The following PRKAG2 variants were observed in gnomAD, a reference collection of about 807,000 sequenced individuals.
PRKAG2 encodes the protein protein kinase AMP-activated non-catalytic subunit gamma 2, also known as 5'-AMP-activated protein kinase subunit gamma-2.
In PRKAG2, 26 loss-of-function variants were observed where a neutral mutation model predicts 69.6. The observed-to-expected ratio is 0.37, with a 90% CI of 0.27 to 0.52. PRKAG2 has a LOEUF of 0.52. Ranked by LOEUF, PRKAG2 falls within the 20% of genes least tolerant of loss-of-function variation. The probability of loss-of-function intolerance (pLI) is 0.90; values close to 1 mark genes in which losing one functional copy is unlikely to be tolerated. For synonymous variants in PRKAG2, 293 were observed against 285.0 expected, an observed-to-expected ratio of 1.03 and a Z score of -0.28; for missense variants, 557 against 740.0, an observed-to-expected ratio of 0.75 and a Z score of 2.87.
At chr7:151,854,898 G>T (rs2079665982) in intron 1 of PRKAG2, among the ~76,000 whole-genome samples, 1 of 151,876 alleles carries the variant, frequency 6.6e-6, no homozygotes, top group Non-Finnish European at 1.5e-5. Flanking sequence ...ATACTCCAGG[G>T]CTGGAGCTGG....
At chr7:151,784,013 GAAC>G (rs1004864991) in intron 2 of PRKAG2, among the ~76,000 whole-genome samples, 2 of 151,868 alleles carry the variant, frequency 1.3e-5, no homozygotes, top group African/African-American at 4.8e-5. Flanking sequence ...AAGCCAGTAG[GAAC>G]AACACACACA....
intron 4 of PRKAG2, among the ~76,000 whole-genome samples, chr7:151,636,097 C>G (rs565169619): frequency 6.6e-6 from 1 of 151,876 alleles, no homozygotes; most frequent in Non-Finnish European, 1.5e-5. Context: ...GTGATCCACC[C>G]GCCTCAGACT....
At chr7:151,608,185 C>A (rs1817964093) in intron 5 of PRKAG2, among the ~76,000 whole-genome samples, 1 of 152,134 alleles carries the variant, frequency 6.6e-6, no homozygotes, top group South Asian at 2.1e-4. Flanking sequence ...CCAGAAGGAA[C>A]CACCCCTGCT....
intron 3 of PRKAG2, among the ~76,000 whole-genome samples, chr7:151,715,046 G>A (rs1795947236): frequency 4.2e-5 from 6 of 143,890 alleles, no homozygotes; most frequent in Admixed American, 2.7e-4. Context: ...ATGGAGTTTC[G>A]CTCTTGTTGC....
At chr7:151,585,364 A>G (rs1333831534) in intron 6 of PRKAG2, among the ~76,000 whole-genome samples, 2 of 152,150 alleles carry the variant, frequency 1.3e-5, no homozygotes, top group African/African-American at 4.8e-5. Context: ...GGAATATGAC[A>G]AGAGTAAGGC....
At chr7:151,734,848 CTTTTTTTTTTTT>C (rs35008070) in intron 3 of PRKAG2, among the ~76,000 whole-genome samples, 3 of 90,082 alleles carry the variant, frequency 3.3e-5, no homozygotes, top group Non-Finnish European at 5.8e-5. Flanking sequence ...AAATCTGATT[CTTTTTTTTTTTT>C]TTTTTTTTTT....
chr7:151,608,377 G>A (rs189187873), intron 5 of PRKAG2, among the ~76,000 whole-genome samples: 1 of 152,330 alleles, frequency 6.6e-6, no homozygotes, highest in East Asian at 1.9e-4. Flanking sequence ...AGCCCCTCAG[G>A]TCGGAATTAA....
chr7:151,832,836 C>G lies in PRKAG2; in HGVS notation c.114+43671G>C, dbSNP rs187166998. Among the ~76,000 whole-genome samples, 485 of 152,250 alleles carry G rather than the reference C, an allele frequency of 3.2e-3. 7 individuals carry two copies. Among genetic ancestry groups the G allele is most frequent in the African/African-American group, 0.011 (458 of 41,546 alleles). On this transcript the variant is annotated intron_variant, in intron 1 of 15. Coordinates refer to ENST00000287878, the MANE Select transcript of PRKAG2 (RefSeq NM_016203.4). ...GCCTCCCAGAGACCCCTATCCCAGG[C>G]GAGCAGTTAGGACGGTGGCCATTTC...
At chr7:151,843,539 A>C (rs949230050) in intron 1 of PRKAG2, among the ~76,000 whole-genome samples, 5 of 152,204 alleles carry the variant, frequency 3.3e-5, no homozygotes, top group African/African-American at 1.2e-4. Context: ...AGTTGAAGCA[A>C]TATCTAGTTG....
intron 4 of PRKAG2, among the ~76,000 whole-genome samples, chr7:151,633,975 G>A (rs1825306363): frequency 6.6e-6 from 1 of 152,090 alleles, no homozygotes; most frequent in Non-Finnish European, 1.5e-5. Context: ...TGTCACCCAG[G>A]CTGGAGTGCA....
intron 7 of PRKAG2, among the ~76,000 whole-genome samples, chr7:151,575,896 C>CAAAAAAAAAA (rs397769419): frequency 1.6e-5 from 1 of 63,528 alleles, no homozygotes; most frequent in Admixed American, 1.7e-4. Flanking sequence ...AATGAGGCGG[C>CAAAAAAAAAA]AAAAAAAAAA....
chr7:151,775,702 G>A (rs1258819198), intron 3 of PRKAG2, among the ~76,000 whole-genome samples: 1 of 152,196 alleles, frequency 6.6e-6, no homozygotes, highest in African/African-American at 2.4e-5. Flanking sequence ...CCGTTGATCA[G>A]AAGTTCAGCT....
At chr7:151,620,824 G>C (rs998078787) in intron 5 of PRKAG2, among the ~76,000 whole-genome samples, 4 of 151,354 alleles carry the variant, frequency 2.6e-5, no homozygotes, top group Non-Finnish European at 5.9e-5. Flanking sequence ...AAAAATTAAA[G>C]ATGGGGTTTT....
At chr7:151,701,950 AC>A (rs1837778964) in intron 3 of PRKAG2, among the ~76,000 whole-genome samples, 1 of 152,114 alleles carries the variant, frequency 6.6e-6, no homozygotes, top group Non-Finnish European at 1.5e-5. Flanking sequence ...ACCTTCCCAC[AC>A]CTTGACTTCA....
chr7:151,631,973 A>G lies in PRKAG2; in HGVS notation c.754+96T>C, dbSNP rs898736382. On this transcript the variant is annotated intron_variant, in intron 5 of 15. Transcript: ENST00000287878. ...CGCAGGACGCAGCTCGCCGTGGGGC[A>G]GCGCCGGAGATGGGGCGCGGGGTCC... The G allele has an allele frequency of 4.4e-5, 47 of 1,074,790 alleles. No individual in the cohort carries two copies. The South Asian group carries it at 8.4e-4, about 19-fold the overall frequency. 66.6% of individuals were successfully genotyped at this position (1,074,790 alleles called of 1,614,324 possible).
intron 3 of PRKAG2, among the ~76,000 whole-genome samples, chr7:151,770,955 A>G (rs2075994729): frequency 1.3e-5 from 2 of 152,168 alleles, no homozygotes; most frequent in South Asian, 4.1e-4. Flanking sequence ...TTTCCAGTGC[A>G]ACCACAGGCT....
chr7:151,876,657 G>A lies in PRKAG2; in HGVS notation c.-37C>T, dbSNP rs2080413560. ...GAAGTTGATTCTGCGAAACTCCTCG[G>A]GGGTTCGGTCCCCTCCTTCCCTCCC... is the stretch of plus-strand genomic sequence containing the variant. On this transcript the variant is annotated 5_prime_UTR_variant, in exon 1 of 16. Coordinates refer to ENST00000287878, the MANE Select transcript of PRKAG2 (RefSeq NM_016203.4). 1 of 1,589,752 alleles carries A rather than the reference G, an allele frequency of 6.3e-7. No individual in the cohort carries two copies. Among genetic ancestry groups the A allele is most frequent in the Non-Finnish European group, 8.6e-7 (1 of 1,167,654 alleles).
chr7:151,639,896 T>C (rs559651670), intron 4 of PRKAG2, among the ~76,000 whole-genome samples: 3 of 152,142 alleles, frequency 2.0e-5, no homozygotes, highest in Non-Finnish European at 2.9e-5. Flanking sequence ...AGTCAGTCAA[T>C]CAATCAATCA....
intron 3 of PRKAG2, among the ~76,000 whole-genome samples, chr7:151,766,734 C>T (rs1370026840): frequency 3.3e-5 from 5 of 152,222 alleles, no homozygotes; most frequent in African/African-American, 4.8e-5. Flanking sequence ...CGTCAAGGCC[C>T]GCTAAAGTGT....
Sources: gnomAD v4.1 joint callset for allele counts (sites outside exome capture counted in the v4.1 genomes callset) on GRCh38, gnomAD v4.1.1 for gene constraint, MANE v1.5 for transcripts, NCBI Gene and HGNC (gene_info 2026-07-23, HGNC 2026-07-21) for gene names.